Variants in NECAB2 observed in about 807,000 individuals in gnomAD.
NECAB2 encodes the protein N-terminal EF-hand calcium binding protein 2, also known as N-terminal EF-hand calcium-binding protein 2.
NECAB2 carries 68 observed loss-of-function variants against 51.9 expected under a neutral mutation model. The ratio of observed to expected loss-of-function variants is 1.31; its 90% CI spans 1.08 to 1.60. The LOEUF (loss-of-function observed/expected upper bound fraction) is 1.60. Among genes scored for constraint, NECAB2 ranks in the 40% most tolerant of loss-of-function variants. NECAB2 has a pLI of 0.00. For synonymous variants in NECAB2, 329 were observed against 203.5 expected (o/e 1.62, Z -5.25); for missense variants, 854 against 490.3 (o/e 1.74, Z -7.00).
chr16:83,977,564 C>A (rs1437842246), intron 2 of NECAB2, among the ~76,000 whole-genome samples: 2 of 152,048 alleles, frequency 1.3e-5, no homozygotes, highest in African/African-American at 4.8e-5. Flanking sequence ...GTGTCCCACC[C>A]ATCCCTCCAC....
At chr16:83,973,956 G>C (rs2084376574) in intron 2 of NECAB2, among the ~76,000 whole-genome samples, 1 of 152,104 alleles carries the variant, frequency 6.6e-6, no homozygotes, top group African/African-American at 2.4e-5. Flanking sequence ...GTATACACTT[G>C]GGCAGGTGGT....
upstream of NECAB2, among the ~76,000 whole-genome samples, chr16:83,967,615 G>C (rs1284383993): frequency 7.5e-6 from 1 of 133,160 alleles, no homozygotes. Context: ...TGGATGGATG[G>C]ATGAGAGGGT....
intron 5 of NECAB2, among the ~76,000 whole-genome samples, chr16:83,984,933 A>G (rs1193602788): frequency 2.6e-5 from 4 of 152,056 alleles, no homozygotes; most frequent in East Asian, 1.9e-4. Flanking sequence ...CCTCCCTCTT[A>G]TAACTTTAGG....
In NECAB2 at chr16:83,968,434, G is replaced by C. The variant is rs1417908402; in HGVS notation, c.-215G>C. 2.0e-5 allele frequency among the ~76,000 whole-genome samples: 3 copies of C among 147,426 alleles called. No homozygotes were observed. The highest frequency in any genetic ancestry group is 7.4e-5 in the African/African-American group (3 of 40,748). Reference sequence around the variant, plus strand: ...CAGTCCTCAGGCCCCGCGCCCGGCCGGCGGGGGTGGGGGCGGCGGGGAGCG... The same window carrying C: ...CAGTCCTCAGGCCCCGCGCCCGGCCCGCGGGGGTGGGGGCGGCGGGGAGCG... On this transcript the variant is annotated 5_prime_UTR_variant, in exon 1 of 13. Coordinates refer to ENST00000305202, the MANE Select transcript of NECAB2 (RefSeq NM_019065.3).
At chr16:83,993,885 A>C (rs988011450) in intron 6 of NECAB2, among the ~76,000 whole-genome samples, 2 of 152,004 alleles carry the variant, frequency 1.3e-5, no homozygotes, top group African/African-American at 2.4e-5. Context: ...CAGGTCCCCC[A>C]CCCCAGAGGG....
At chr16:83,992,394 A>G (rs1274328613) in intron 6 of NECAB2, among the ~76,000 whole-genome samples, 4 of 98,032 alleles carry the variant, frequency 4.1e-5, no homozygotes, top group African/African-American at 2.3e-4. Flanking sequence ...GCCCACCTCC[A>G]TTTGCTGTTT....
At chr16:83,971,958 C>G (rs2084352455) in intron 1 of NECAB2, 193 bp from the exon 2 acceptor site, 1 of 698,596 alleles carries the variant, frequency 1.4e-6, no homozygotes, top group Non-Finnish European at 2.4e-6. Flanking sequence ...AGGGGAGGGC[C>G]TCTGTCTGCA....
chr16:83,974,109 C>T (rs1023814493), intron 2 of NECAB2, among the ~76,000 whole-genome samples: 1 of 152,070 alleles, frequency 6.6e-6, no homozygotes, highest in African/African-American at 2.4e-5. Flanking sequence ...CCTGTTCCTT[C>T]TCCTTGGGGC....
intron 5 of NECAB2, among the ~76,000 whole-genome samples, chr16:83,985,527 G>T (rs188702780): frequency 5.3e-4 from 80 of 151,162 alleles, no homozygotes; most frequent in African/African-American, 1.9e-3. Flanking sequence ...CAGCTACTTG[G>T]GAGAGTGAGG....
intron 6 of NECAB2, among the ~76,000 whole-genome samples, chr16:83,993,130 T>C (rs1054149521): frequency 8.5e-5 from 13 of 152,106 alleles, no homozygotes; most frequent in Admixed American, 4.6e-4. Context: ...CTAGTTTGGC[T>C]CTAGGCTGTG....
chr16:83,966,403 A>T (rs1485503719), upstream of NECAB2: 1 of 218,868 alleles, frequency 4.6e-6, no homozygotes, highest in African/African-American at 2.3e-5. Context: ...GCTGGGGGGA[A>T]GGGAGGAAAG....
intron 12 of NECAB2, 70 bp from the exon 13 acceptor site, chr16:84,002,248 A>T (rs2084852096): frequency 1.3e-6 from 2 of 1,565,810 alleles, no homozygotes; most frequent in East Asian, 4.5e-5. Flanking sequence ...GTCATTCAAG[A>T]CGACCACCAC....
chr16:83,982,763 G>A lies in NECAB2; in HGVS notation c.459+1636G>A, dbSNP rs113340226. Among the ~76,000 whole-genome samples the A allele has an allele frequency of 8.6e-3, 1,316 of 152,276 alleles. 16 individuals carry two copies. Among genetic ancestry groups the A allele is most frequent in the African/African-American group, 0.031 (1,269 of 41,534 alleles). ...GATCTTGCTCTTGGAAGTCATGTGCGTATGATGTCAGGGGTGGTCTTTGGT... is the reference window on the plus strand; with the variant it reads ...GATCTTGCTCTTGGAAGTCATGTGCATATGATGTCAGGGGTGGTCTTTGGT... On this transcript the variant is annotated intron_variant, in intron 5 of 12. Coordinates refer to ENST00000305202, the MANE Select transcript of NECAB2 (RefSeq NM_019065.3).
At chr16:84,000,627 G>GT in intron 10 of NECAB2, 97 bp from the exon 11 acceptor site, 1 of 893,094 alleles carries the variant, frequency 1.1e-6, no homozygotes, top group Admixed American at 2.1e-5. Context: ...GGCAGCCGTT[G>GT]TGTATAGTGG....
intron 6 of NECAB2, among the ~76,000 whole-genome samples, 155 bp from the exon 7 acceptor site, chr16:83,994,147 C>T (rs1015682929): frequency 6.6e-6 from 1 of 152,194 alleles, no homozygotes; most frequent in Non-Finnish European, 1.5e-5. Flanking sequence ...TTAAGAACCT[C>T]ATTTCCTCCT....
At chr16:83,973,952 A>T (rs1399412274) in intron 2 of NECAB2, among the ~76,000 whole-genome samples, 1 of 151,944 alleles carries the variant, frequency 6.6e-6, no homozygotes, top group African/African-American at 2.4e-5. Flanking sequence ...CAGTGTATAC[A>T]CTTGGGCAGG....
Position 83,994,432 on chromosome 16 carries a change from C to T in NECAB2, c.715+12C>T, listed in dbSNP as rs201756817. On this transcript the variant is annotated intron_variant, in intron 7 of 12. Transcript: ENST00000305202. ...GACCCTTCCATCTGGTGAGAGAAAG[C>T]GGGGGCCCTGGTGGGGGTACCAGCT... The T allele has an allele frequency of 2.6e-5, 42 of 1,613,102 alleles. No individual in the cohort carries two copies. In the African/African-American group the frequency reaches 2.7e-4, roughly 10 times the overall value.
chr16:83,988,667 C>T (rs2084584825), intron 5 of NECAB2, among the ~76,000 whole-genome samples: 1 of 152,156 alleles, frequency 6.6e-6, no homozygotes, highest in Admixed American at 6.5e-5. Flanking sequence ...GCATTGTTTG[C>T]AGAAAAGGTG....
intron 6 of NECAB2, 70 bp downstream of exon 6, chr16:83,990,700 T>G: frequency 6.4e-7 from 1 of 1,574,178 alleles, no homozygotes; most frequent in East Asian, 2.3e-5. Flanking sequence ...ACCTGCTGCT[T>G]GGTGGGGATG....
Sources: gnomAD v4.1 joint callset for allele counts (sites outside exome capture counted in the v4.1 genomes callset) on GRCh38, gnomAD v4.1.1 for gene constraint, MANE v1.5 for transcripts, NCBI Gene and HGNC (gene_info 2026-07-23, HGNC 2026-07-21) for gene names.